MRTFB: variants seen among roughly 807,000 people sequenced by gnomAD.
The protein encoded by MRTFB is myocardin-related transcription factor B.
Under a neutral mutation model 104.2 loss-of-function variants are expected in MRTFB, and 29 were observed. That is an observed-to-expected ratio of 0.28 (90% CI 0.21 to 0.38). The LOEUF is 0.38. MRTFB is among the 10% of genes least tolerant of loss of function. MRTFB has a pLI of 1.00. For missense variants in MRTFB, 1,270 were observed against 1,341.6 expected (o/e 0.95, Z 0.83); for synonymous variants, 535 against 519.5 (o/e 1.03, Z -0.41).
chr16:14,038,800 G>A, the MRTFB span, among the ~76,000 whole-genome samples: 4 of 152,322 alleles, frequency 2.6e-5, no homozygotes, highest in African/African-American at 9.6e-5. Flanking sequence ...AGACATACCT[G>A]AGACAGTGTA....
chr16:14,182,954 G>A (rs984792924), intron 3 of MRTFB, among the ~76,000 whole-genome samples: 5 of 152,134 alleles, frequency 3.3e-5, no homozygotes, highest in Non-Finnish European at 5.9e-5. Flanking sequence ...AATAAATGTA[G>A]AAGGAATGAT....
chr16:13,998,455 C>T, the MRTFB span, among the ~76,000 whole-genome samples: 1 of 152,104 alleles, frequency 6.6e-6, no homozygotes, highest in African/African-American at 2.4e-5. Context: ...TCAAGACCAG[C>T]ATGGGCAACA....
chr16:14,151,591 G>A (rs2038617419), intron 3 of MRTFB: 1 of 152,106 alleles, frequency 6.6e-6, no homozygotes, highest in East Asian at 1.9e-4. Flanking sequence ...TTTTCTACAA[G>A]TATTTCTTTT....
chr16:14,265,418 G>C lies in MRTFB; in HGVS notation c.*3974G>C, dbSNP rs185033323. 1 of 152,172 alleles carries C rather than the reference G, an allele frequency of 6.6e-6. No individual in the cohort carries two copies. Among genetic ancestry groups the C allele is most frequent in the African/African-American group, 2.4e-5 (1 of 41,442 alleles). 9.4% of individuals were successfully genotyped at this position (152,172 alleles called of 1,614,324 possible). On this transcript the variant is annotated 3_prime_UTR_variant, in exon 17 of 17. Transcript: ENST00000571589. ...TTTTCAAGGAACATAGCTTACAAAT[G>C]CATCAGTGTGTATCTGGAGAGCATC...
At chr16:14,199,183 C>G (rs541685306) in intron 3 of MRTFB, among the ~76,000 whole-genome samples, 61 of 152,296 alleles carry the variant, frequency 4.0e-4, no homozygotes, top group African/African-American at 1.4e-3. Context: ...CTTGATCATG[C>G]CTCCTTTAAA....
At chr16:14,139,831 C>T (rs552326669) in intron 2 of MRTFB, among the ~76,000 whole-genome samples, 1 of 152,300 alleles carries the variant, frequency 6.6e-6, no homozygotes, top group Non-Finnish European at 1.5e-5. Flanking sequence ...TTGCCACTGC[C>T]ATAACATGGA....
At chr16:14,023,061 A>G in the MRTFB span, among the ~76,000 whole-genome samples, 14 of 151,640 alleles carry the variant, frequency 9.2e-5, no homozygotes, top group Non-Finnish European at 2.1e-4. Context: ...ATTTGCTCTT[A>G]TGTTGTGTGG....
the MRTFB span, among the ~76,000 whole-genome samples, chr16:14,027,458 T>C: frequency 1.3e-5 from 2 of 152,188 alleles, no homozygotes; most frequent in Non-Finnish European, 1.5e-5. Flanking sequence ...CTGAGCATGA[T>C]GGTAGATACA....
chr16:14,128,334 C>T (rs1172228362), intron 2 of MRTFB, among the ~76,000 whole-genome samples: 1 of 152,104 alleles, frequency 6.6e-6, no homozygotes, highest in Non-Finnish European at 1.5e-5. Flanking sequence ...TTAACACAGG[C>T]CCAGTTGAAG....
intron 3 of MRTFB, among the ~76,000 whole-genome samples, chr16:14,160,043 T>C (rs1302487975): frequency 2.6e-5 from 4 of 152,110 alleles, no homozygotes; most frequent in African/African-American, 9.7e-5. Flanking sequence ...CACAATATAG[T>C]TATCAGCCTC....
At chr16:14,024,615 C>T in the MRTFB span, among the ~76,000 whole-genome samples, 1 of 152,174 alleles carries the variant, frequency 6.6e-6, no homozygotes, top group Non-Finnish European at 1.5e-5. Flanking sequence ...AGAAGGATGG[C>T]CATTGCTGCA....
At chr16:14,115,389 CAT>C (rs1320877981) in intron 2 of MRTFB, among the ~76,000 whole-genome samples, 4 of 152,238 alleles carry the variant, frequency 2.6e-5, no homozygotes. Context: ...AAAAAATAAT[CAT>C]GTGTTATCTG....
the MRTFB span, among the ~76,000 whole-genome samples, chr16:14,041,756 G>A: frequency 4.6e-5 from 7 of 151,560 alleles, no homozygotes; most frequent in Admixed American, 2.6e-4. Context: ...GAGAAACCCC[G>A]TCTCTACTAA....
intron 8 of MRTFB, among the ~76,000 whole-genome samples, chr16:14,231,689 C>T (rs1485621287): frequency 6.6e-6 from 1 of 152,164 alleles, no homozygotes; most frequent in Non-Finnish European, 1.5e-5. Flanking sequence ...AGCTCCAGGC[C>T]TGGATACTCT....
chr16:14,118,772 CTA>C (rs1401177397), intron 2 of MRTFB, among the ~76,000 whole-genome samples: 1 of 151,212 alleles, frequency 6.6e-6, no homozygotes, highest in Non-Finnish European at 1.5e-5. Context: ...TATATATAAA[CTA>C]TATATTGTTT....
intron 2 of MRTFB, among the ~76,000 whole-genome samples, chr16:14,105,260 GAA>G (rs2035908926): frequency 6.6e-6 from 1 of 152,112 alleles, no homozygotes; most frequent in African/African-American, 2.4e-5. Flanking sequence ...TTAGACCAGA[GAA>G]GTTTCTCCTT....
chr16:14,075,279 T>C (rs1372874304), intron 1 of MRTFB, among the ~76,000 whole-genome samples: 2 of 152,240 alleles, frequency 1.3e-5, no homozygotes, highest in African/African-American at 4.8e-5. Flanking sequence ...GTGAAGACCC[T>C]TTGCGTACCT....
intron 2 of MRTFB, among the ~76,000 whole-genome samples, chr16:14,088,270 C>T (rs930054672): frequency 1.3e-5 from 2 of 152,114 alleles, no homozygotes; most frequent in Non-Finnish European, 2.9e-5. Context: ...TGTGCATTAC[C>T]TCATTTTGTT....
At chr16:14,214,550 A>T (rs79417544) in intron 6 of MRTFB, among the ~76,000 whole-genome samples, 3,278 of 152,288 alleles carry the variant, frequency 0.022, 102 homozygotes, top group African/African-American at 0.075. Context: ...TCAGGAGGTG[A>T]TATGGCTACC....
Sources: gnomAD v4.1 joint callset for allele counts (sites outside exome capture counted in the v4.1 genomes callset) on GRCh38, gnomAD v4.1.1 for gene constraint, MANE v1.5 for transcripts, NCBI Gene and HGNC (gene_info 2026-07-23, HGNC 2026-07-21) for gene names.